Variants in LRRC4C observed in about 807,000 individuals in gnomAD.
LRRC4C encodes the protein leucine rich repeat containing 4C, also known as leucine-rich repeat-containing protein 4C.
A neutral mutation model predicts 33.6 loss-of-function variants in LRRC4C; 5 were observed. That is an observed-to-expected ratio of 0.15 (90% confidence interval 0.08 to 0.31). The LOEUF (loss-of-function observed/expected upper bound fraction) is 0.31. LRRC4C is among the 10% of genes least tolerant of loss of function. The pLI is 1.00. For missense variants in LRRC4C, 560 were observed against 796.7 expected (o/e 0.70, Z 3.58); for synonymous variants, 329 against 302.0 (o/e 1.09, Z -0.93).
chr11:40,429,571 A>T (rs1054417723), intron 3 of LRRC4C, among the ~76,000 whole-genome samples: 14 of 151,842 alleles, frequency 9.2e-5, no homozygotes, highest in East Asian at 3.9e-4. Flanking sequence ...ATAATAATAA[A>T]AAAAAAACAA....
chr11:41,405,201 A>C (rs764904147), intron 1 of LRRC4C, among the ~76,000 whole-genome samples: 4 of 152,146 alleles, frequency 2.6e-5, no homozygotes, highest in Non-Finnish European at 5.9e-5. Flanking sequence ...AGAAGGTGAC[A>C]TTTAAAATAT....
intron 1 of LRRC4C, among the ~76,000 whole-genome samples, chr11:41,095,267 A>G (rs899933105): frequency 2.0e-5 from 3 of 152,156 alleles, no homozygotes; most frequent in Admixed American, 6.5e-5. Flanking sequence ...CTCACTCAGT[A>G]TGACAAGAAC....
At chr11:40,952,104 C>T (rs2136733023) in intron 1 of LRRC4C, among the ~76,000 whole-genome samples, 1 of 151,982 alleles carries the variant, frequency 6.6e-6, no homozygotes, top group Admixed American at 6.6e-5. Context: ...GATGCACATA[C>T]TGTCCAAGGC....
At chr11:41,059,702 A>G (rs1383977711) in intron 1 of LRRC4C, among the ~76,000 whole-genome samples, 1 of 152,178 alleles carries the variant, frequency 6.6e-6, no homozygotes, top group Admixed American at 6.5e-5. Context: ...ACTCAAGAGT[A>G]GTCCTTAGGT....
At position 40,772,856 on chromosome 11, in the gene LRRC4C, C is replaced by T. The variant is rs116472753; in HGVS notation, c.-406-124578G>A. Reference sequence around the variant, plus strand: ...TCAGCCATCCACTGATAGGTATATACACAAAACAAAGGAAATCAGTATATC... The same window carrying T: ...TCAGCCATCCACTGATAGGTATATATACAAAACAAAGGAAATCAGTATATC... On this transcript the variant is annotated intron_variant, in intron 2 of 6. Coordinates refer to ENST00000528697, the MANE Select transcript of LRRC4C (RefSeq NM_001258419.2). Among the ~76,000 whole-genome samples, 364 of 152,238 alleles carry T rather than the reference C, an allele frequency of 2.4e-3. 3 individuals carry two copies. The highest frequency in any genetic ancestry group is 8.2e-3 in the African/African-American group (340 of 41,540).
chr11:40,366,965 AAT>A (rs759867177), intron 3 of LRRC4C, among the ~76,000 whole-genome samples: 3 of 152,134 alleles, frequency 2.0e-5, no homozygotes, highest in Non-Finnish European at 2.9e-5. Context: ...TACTCACTCT[AAT>A]AACTATACTA....
intron 1 of LRRC4C, among the ~76,000 whole-genome samples, chr11:41,433,749 G>A (rs939071093): frequency 9.2e-5 from 14 of 151,896 alleles, no homozygotes; most frequent in African/African-American, 3.4e-4. Context: ...ACGGCCTATT[G>A]TGGGACCTTG....
chr11:41,256,611 A>C (rs1007245969), intron 1 of LRRC4C, among the ~76,000 whole-genome samples: 2 of 152,016 alleles, frequency 1.3e-5, no homozygotes, highest in African/African-American at 4.8e-5. Context: ...ACACAGATCA[A>C]CTCATATGTA....
intron 3 of LRRC4C, among the ~76,000 whole-genome samples, chr11:40,627,611 C>T (rs974952464): frequency 6.6e-6 from 1 of 152,124 alleles, no homozygotes; most frequent in Non-Finnish European, 1.5e-5. Flanking sequence ...ATGTCTTCTT[C>T]CAGGTAGCAC....
chr11:41,296,018 T>C (rs1202533647), intron 1 of LRRC4C, among the ~76,000 whole-genome samples: 1 of 152,238 alleles, frequency 6.6e-6, no homozygotes, highest in Admixed American at 6.5e-5. Context: ...AATCCCATGT[T>C]CCTGTAAGAT....
At chr11:41,431,582 G>A (rs12099216) in intron 1 of LRRC4C, among the ~76,000 whole-genome samples, 1,628 of 151,896 alleles carry the variant, frequency 0.011, 26 homozygotes, top group African/African-American at 0.036. Flanking sequence ...CTCTCAGATT[G>A]GTTATTGGTT....
intron 3 of LRRC4C, among the ~76,000 whole-genome samples, chr11:40,378,727 T>C (rs1948750925): frequency 6.6e-6 from 1 of 152,152 alleles, no homozygotes; most frequent in Non-Finnish European, 1.5e-5. Context: ...TTAATGACTC[T>C]GATCACATTT....
chr11:40,253,996 T>C (rs1866997912), intron 4 of LRRC4C, among the ~76,000 whole-genome samples: 1 of 152,220 alleles, frequency 6.6e-6, no homozygotes, highest in Non-Finnish European at 1.5e-5. Context: ...TATCAAACTA[T>C]GGGATGAATT....
rs76935913 is a variant in LRRC4C, at chr11:40,749,267, G to C, written c.-406-100989C>G. Among the ~76,000 whole-genome samples the C allele has an allele frequency of 1.1e-4, 16 of 152,076 alleles. No individual in the cohort carries two copies. The East Asian group carries it at 3.1e-3, about 29-fold the overall frequency. On this transcript the variant is annotated intron_variant, in intron 2 of 6. Coordinates refer to ENST00000528697, the MANE Select transcript of LRRC4C (RefSeq NM_001258419.2). ...TTTACTTTAAGTGAAATCATATCAAGTGTCTTTTCATACCACAATGGAATA... is the reference window on the plus strand; with the variant it reads ...TTTACTTTAAGTGAAATCATATCAACTGTCTTTTCATACCACAATGGAATA...
intron 2 of LRRC4C, among the ~76,000 whole-genome samples, chr11:40,782,064 G>C (rs967571698): frequency 3.3e-5 from 5 of 152,216 alleles, no homozygotes; most frequent in African/African-American, 1.2e-4. Context: ...AAGCCTGCAT[G>C]CCTATTTTTT....
intron 3 of LRRC4C, among the ~76,000 whole-genome samples, chr11:40,399,907 T>A (rs1013479029): frequency 6.6e-6 from 1 of 152,024 alleles, no homozygotes; most frequent in African/African-American, 2.4e-5. Context: ...TCACTTCAAA[T>A]ACACAGTTAA....
intron 1 of LRRC4C, among the ~76,000 whole-genome samples, chr11:41,304,736 C>T (rs1221605305): frequency 2.1e-5 from 2 of 95,096 alleles, no homozygotes; most frequent in Admixed American, 1.1e-4. Flanking sequence ...ATCAGCCCCC[C>T]GCCCGGCCAG....
rs1554934483 is a variant in LRRC4C at position 41,448,122 on chromosome 11, G to GGTTT, written c.-496+11308_-496+11309insAAAC. ...ACAAACGAGGCTGCTGCACACGTCTGTTTTTTTTTTTTTTTTTTTTGGAGC... is the reference window on the plus strand; with the variant it reads ...ACAAACGAGGCTGCTGCACACGTCTGGTTTTTTTTTTTTTTTTTTTTTTTGGAGC... On this transcript the variant is annotated intron_variant, in intron 1 of 6. Transcript: ENST00000528697. 1.2e-3 allele frequency among the ~76,000 whole-genome samples: 54 copies of GGTTT among 46,876 alleles called. 3 individuals are homozygous for GGTTT. Among genetic ancestry groups the GGTTT allele is most frequent in the Non-Finnish European group, 1.6e-3 (37 of 22,900 alleles). 30.8% of individuals were successfully genotyped at this position (46,876 alleles called of 152,430 possible). A position where few individuals can be genotyped will look rare whatever the true frequency, so the allele number is the denominator to read the frequency against.
chr11:41,374,750 T>C (rs1192593130), intron 1 of LRRC4C, among the ~76,000 whole-genome samples: 1 of 152,166 alleles, frequency 6.6e-6, no homozygotes, highest in East Asian at 1.9e-4. Context: ...GTAAAAATAT[T>C]ATTAAAATTA....
Sources: allele counts gnomAD v4.1 joint callset (sites outside exome capture counted in the v4.1 genomes callset), GRCh38; gene constraint gnomAD v4.1.1; transcripts MANE v1.5; gene names NCBI Gene and HGNC (gene_info 2026-07-23, HGNC 2026-07-21).